Variants in GALNT13 observed in about 807,000 individuals in gnomAD.
GALNT13 encodes polypeptide N-acetylgalactosaminyltransferase 13.
In GALNT13, 28 loss-of-function variants were observed where a neutral mutation model predicts 64.2. The ratio of observed to expected loss-of-function variants is 0.44; its 90% CI spans 0.32 to 0.60. GALNT13 has a LOEUF of 0.60. Among genes scored for constraint, GALNT13 ranks in the 20% least tolerant of loss-of-function variants. GALNT13 has a pLI of 0.05. For missense variants in GALNT13, 577 were observed against 669.8 expected (o/e 0.86, Z 1.53); for synonymous variants, 214 against 224.6 (o/e 0.95, Z 0.42).
chr2:153,250,618 C>T, the GALNT13 span, among the ~76,000 whole-genome samples: 277 of 152,280 alleles, frequency 1.8e-3, no homozygotes, highest in African/African-American at 6.5e-3. Context: ...ATAGCAATGA[C>T]TTGGAACCAA....
chr2:153,765,806 G>C, the GALNT13 span, among the ~76,000 whole-genome samples: 1 of 152,114 alleles, frequency 6.6e-6, no homozygotes, highest in Non-Finnish European at 1.5e-5. Context: ...AATCACAGGG[G>C]TGGTTTCCTC....
At chr2:154,124,347 G>T (rs959536808) in intron 3 of GALNT13, among the ~76,000 whole-genome samples, 1 of 151,890 alleles carries the variant, frequency 6.6e-6, no homozygotes, top group East Asian at 1.9e-4. Context: ...AATTTGAATC[G>T]AGTATATTTC....
the GALNT13 span, among the ~76,000 whole-genome samples, chr2:153,760,911 C>T: frequency 0.014 from 2,195 of 152,206 alleles, 47 homozygotes; most frequent in African/African-American, 0.049. Context: ...GGTGTTCCAA[C>T]GTTGGGTGTA....
the GALNT13 span, among the ~76,000 whole-genome samples, chr2:153,413,228 C>A: frequency 6.6e-6 from 1 of 152,136 alleles, no homozygotes; most frequent in Admixed American, 6.5e-5. Context: ...TCTGACCTCT[C>A]CATTGGCCAA....
At chr2:154,000,643 A>C (rs775882864) in intron 3 of GALNT13, among the ~76,000 whole-genome samples, 1 of 152,004 alleles carries the variant, frequency 6.6e-6, no homozygotes, top group East Asian at 1.9e-4. Flanking sequence ...TACTGTCGTG[A>C]GAAAATATAA....
At chr2:153,367,276 T>C in the GALNT13 span, among the ~76,000 whole-genome samples, 1 of 152,024 alleles carries the variant, frequency 6.6e-6, no homozygotes, top group African/African-American at 2.4e-5. Flanking sequence ...ATCACAAAGA[T>C]GGGAGGGAAG....
the GALNT13 span, among the ~76,000 whole-genome samples, chr2:153,335,576 G>T: frequency 6.6e-6 from 1 of 152,216 alleles, no homozygotes; most frequent in Non-Finnish European, 1.5e-5. Context: ...TCTGGTGGAA[G>T]AAATTTCTAA....
chr2:153,756,773 G>A, the GALNT13 span, among the ~76,000 whole-genome samples: 1 of 151,908 alleles, frequency 6.6e-6, no homozygotes, highest in Non-Finnish European at 1.5e-5. Context: ...AAATTTATCA[G>A]TTCTGTATCT....
chr2:153,649,400 CT>C, the GALNT13 span, among the ~76,000 whole-genome samples: 1 of 151,554 alleles, frequency 6.6e-6, no homozygotes, highest in Non-Finnish European at 1.5e-5. Flanking sequence ...TTTTGTTGAT[CT>C]TTTCAAAAAA....
the GALNT13 span, among the ~76,000 whole-genome samples, chr2:153,823,626 G>T: frequency 6.6e-6 from 1 of 152,080 alleles, no homozygotes; most frequent in Non-Finnish European, 1.5e-5. Context: ...ACAAAATATG[G>T]ATTAAATACT....
Position 154,159,774 on chromosome 2 carries a change from C to G in GALNT13, c.311+19269C>G, listed in dbSNP as rs193218036. Among the ~76,000 whole-genome samples, 19 of 151,988 alleles carry G rather than the reference C, an allele frequency of 1.3e-4. No homozygotes were observed. The East Asian group carries it at 3.7e-3, about 30-fold the overall frequency. On this transcript the variant is annotated intron_variant, in intron 4 of 12. Coordinates refer to ENST00000392825, the MANE Select transcript of GALNT13 (RefSeq NM_052917.4). Reference sequence around the variant, plus strand: ...ATGTTGGGGATTACTACAGTGTGCACTATAACAAATCAGAGTGTAATTGAG... The same window carrying G: ...ATGTTGGGGATTACTACAGTGTGCAGTATAACAAATCAGAGTGTAATTGAG...
At chr2:154,070,993 T>G (rs9288309) in intron 3 of GALNT13, among the ~76,000 whole-genome samples, 1 of 151,916 alleles carries the variant, frequency 6.6e-6, no homozygotes, top group Non-Finnish European at 1.5e-5. Context: ...AAAATACTTA[T>G]GGATGGTTTA....
chr2:153,751,283 C>A, the GALNT13 span, among the ~76,000 whole-genome samples: 5 of 151,848 alleles, frequency 3.3e-5, no homozygotes, highest in African/African-American at 4.8e-5. Flanking sequence ...GCATATTGTG[C>A]AGCTGTTGGA....
At chr2:154,101,492 T>A (rs1470800330) in intron 3 of GALNT13, among the ~76,000 whole-genome samples, 1 of 152,108 alleles carries the variant, frequency 6.6e-6, no homozygotes, top group South Asian at 2.1e-4. Context: ...TGGTATCAAC[T>A]GCACTGTTAT....
At chr2:154,020,760 C>T (rs915995721) in intron 3 of GALNT13, among the ~76,000 whole-genome samples, 2 of 151,412 alleles carry the variant, frequency 1.3e-5, no homozygotes, top group African/African-American at 4.9e-5. Flanking sequence ...GTGTTTTAGA[C>T]ATGAAGTCCT....
chr2:154,189,232 T>A (rs1416349692), intron 4 of GALNT13, among the ~76,000 whole-genome samples: 13 of 152,152 alleles, frequency 8.5e-5, no homozygotes, highest in Admixed American at 7.9e-4. Context: ...GGAATGGAGA[T>A]GCTTTTAATT....
chr2:153,543,839 G>T, the GALNT13 span, among the ~76,000 whole-genome samples: 28 of 152,182 alleles, frequency 1.8e-4, no homozygotes, highest in African/African-American at 6.8e-4. Context: ...ATTTAAATGA[G>T]AACTTTTAAA....
the GALNT13 span, chr2:153,354,113 G>A: frequency 1.3e-5 from 2 of 152,074 alleles, no homozygotes; most frequent in African/African-American, 4.8e-5. Flanking sequence ...ATTGCTTTTT[G>A]TGTGAGTTTT....
chr2:154,280,762 G>T (rs1691920966), intron 8 of GALNT13, among the ~76,000 whole-genome samples: 1 of 152,190 alleles, frequency 6.6e-6, no homozygotes, highest in South Asian at 2.1e-4. Flanking sequence ...TCACGCAGCT[G>T]TCATGAGCCA....
Sources: gnomAD v4.1 joint callset for allele counts (sites outside exome capture counted in the v4.1 genomes callset) on GRCh38, gnomAD v4.1.1 for gene constraint, MANE v1.5 for transcripts, NCBI Gene and HGNC (gene_info 2026-07-23, HGNC 2026-07-21) for gene names.